FAM168A: variants seen among roughly 807,000 people sequenced by gnomAD.
FAM168A encodes family with sequence similarity 168 member A.
In FAM168A, 3 loss-of-function variants were observed where a neutral mutation model predicts 28.5. The observed-to-expected ratio is 0.11, with a 90% CI of 0.05 to 0.27. The LOEUF (loss-of-function observed/expected upper bound fraction) is 0.27. Among genes scored for constraint, FAM168A ranks in the 10% least tolerant of loss-of-function variants. The pLI is 1.00. For synonymous variants in FAM168A, 122 were observed against 124.2 expected (o/e 0.98, Z 0.12); for missense variants, 222 against 311.5 (o/e 0.71, Z 2.16).
chr11:73,430,318 GGGTGTGTGTGTGTCCCAA>G lies in FAM168A; in HGVS notation c.151+354_151+371del, dbSNP rs1464905901. ...TGTGTGTGTGTCCCAAGGGGTGTGTGGGTGTGTGTGTGTCCCAAGGTGTGTGTGTGTCCCAATGGCAGC... is the reference window on the plus strand; with the variant it reads ...TGTGTGTGTGTCCCAAGGGGTGTGTGGGTGTGTGTGTGTCCCAATGGCAGC... On this transcript the variant is annotated intron_variant, in intron 3 of 7. Transcript: ENST00000356467. The G allele has an allele frequency of 2.5e-5, 7 of 282,810 alleles. No homozygotes were observed. The East Asian group carries it at 5.7e-4, about 23-fold the overall frequency. The allele number at this position is 282,810 out of a possible 1,614,324, so 17.5% of individuals were successfully genotyped here.
chr11:73,464,870 T>G (rs893259359), intron 2 of FAM168A, among the ~76,000 whole-genome samples: 3 of 151,928 alleles, frequency 2.0e-5, no homozygotes, highest in Non-Finnish European at 4.4e-5. Context: ...TTATCATTTT[T>G]TTTTTTTAAA....
intron 1 of FAM168A, among the ~76,000 whole-genome samples, chr11:73,565,253 T>C (rs2134711552): frequency 6.6e-6 from 1 of 152,314 alleles, no homozygotes; most frequent in Admixed American, 6.5e-5. Context: ...TCCCAGCATT[T>C]TGGCTTCCTC....
At chr11:73,459,974 G>C (rs552096158) in intron 2 of FAM168A, among the ~76,000 whole-genome samples, 1 of 142,616 alleles carries the variant, frequency 7.0e-6, no homozygotes, top group South Asian at 2.2e-4. Context: ...TCCGCCTCCC[G>C]GGTTCACACC....
At chr11:73,479,442 G>GA (rs1333196027) in intron 1 of FAM168A, among the ~76,000 whole-genome samples, 2 of 152,128 alleles carry the variant, frequency 1.3e-5, no homozygotes, top group African/African-American at 4.8e-5. Flanking sequence ...GAGAGAGGAG[G>GA]AAAGGCCATT....
chr11:73,522,777 T>G (rs1943399777), intron 1 of FAM168A, among the ~76,000 whole-genome samples: 1 of 150,178 alleles, frequency 6.7e-6, no homozygotes, highest in Non-Finnish European at 1.5e-5. Flanking sequence ...CTTTGGGAGG[T>G]CAAGGAGGGT....
At chr11:73,492,418 AG>A (rs1868141028) in intron 1 of FAM168A, among the ~76,000 whole-genome samples, 1 of 152,178 alleles carries the variant, frequency 6.6e-6, no homozygotes, top group Non-Finnish European at 1.5e-5. Flanking sequence ...AGGCTGAGGC[AG>A]TGGATCCCTT....
intron 1 of FAM168A, among the ~76,000 whole-genome samples, chr11:73,564,721 C>T (rs1315168466): frequency 7.8e-5 from 10 of 128,910 alleles, no homozygotes; most frequent in Non-Finnish European, 1.1e-4. Context: ...CCAGCCTGGG[C>T]GACACAGTGA....
rs376542756 is a variant in FAM168A, at chr11:73,411,556, G to A, written c.278-20C>T. The stretch of plus-strand genomic sequence containing the variant: ...TATATCCTGTACCAAGGCAATAAGA[G>A]AGACTTCCAGTTAGTTGGCAGAAAA... On this transcript the variant is annotated intron_variant, in intron 4 of 7. Transcript: ENST00000356467. The A allele has an allele frequency of 1.2e-6, 2 of 1,613,956 alleles. No homozygotes were observed. The highest frequency in any genetic ancestry group is 1.1e-5 in the South Asian group (1 of 91,052).
At chr11:73,531,183 A>G (rs1192447765) in intron 1 of FAM168A, among the ~76,000 whole-genome samples, 2 of 152,202 alleles carry the variant, frequency 1.3e-5, no homozygotes, top group Non-Finnish European at 1.5e-5. Context: ...TTACTCCCCA[A>G]TCTGAAAGAT....
chr11:73,525,108 T>A (rs1178764881), intron 1 of FAM168A, among the ~76,000 whole-genome samples: 2 of 152,076 alleles, frequency 1.3e-5, no homozygotes, highest in African/African-American at 2.4e-5. Flanking sequence ...CCATTCCCTC[T>A]CTTTTTTGGG....
At chr11:73,553,391 T>C (rs1590850744) in intron 1 of FAM168A, among the ~76,000 whole-genome samples, 2 of 152,164 alleles carry the variant, frequency 1.3e-5, no homozygotes, top group African/African-American at 2.4e-5. Context: ...GTTCAGTATC[T>C]CTTCTTTGGG....
At chr11:73,411,138 C>A (rs1365825342) in intron 5 of FAM168A, among the ~76,000 whole-genome samples, 2 of 152,258 alleles carry the variant, frequency 1.3e-5, no homozygotes. Context: ...GCTAGAAAAT[C>A]TCTGAGGGCC....
chr11:73,544,284 G>A (rs1043723330), intron 1 of FAM168A, among the ~76,000 whole-genome samples: 1 of 152,150 alleles, frequency 6.6e-6, no homozygotes, highest in African/African-American at 2.4e-5. Flanking sequence ...AATAACAAGT[G>A]ATTACAAGGA....
intron 4 of FAM168A, among the ~76,000 whole-genome samples, chr11:73,418,040 T>A (rs1262496029): frequency 6.6e-6 from 1 of 152,188 alleles, no homozygotes; most frequent in Non-Finnish European, 1.5e-5. Context: ...CTTAGTAGAC[T>A]GAGTGTAATG....
chr11:73,584,013 C>T (rs1426593247), intron 1 of FAM168A, among the ~76,000 whole-genome samples: 2 of 152,148 alleles, frequency 1.3e-5, no homozygotes, highest in African/African-American at 4.8e-5. Flanking sequence ...TTTTTCCCTT[C>T]ATAATTATAC....
chr11:73,456,955 C>T (rs1193084094), intron 2 of FAM168A, among the ~76,000 whole-genome samples: 1 of 152,200 alleles, frequency 6.6e-6, no homozygotes, highest in Non-Finnish European at 1.5e-5. Context: ...CACTGAGAGG[C>T]CAGCACAGAG....
chr11:73,445,209 A>G (rs1867278935), intron 2 of FAM168A, among the ~76,000 whole-genome samples: 1 of 151,924 alleles, frequency 6.6e-6, no homozygotes, highest in Admixed American at 6.6e-5. Flanking sequence ...CGGCAAGCCA[A>G]GATGGCGACA....
intron 2 of FAM168A, among the ~76,000 whole-genome samples, chr11:73,463,878 C>T (rs1867690293): frequency 6.6e-6 from 1 of 152,146 alleles, no homozygotes; most frequent in Non-Finnish European, 1.5e-5. Flanking sequence ...AATAAGAATT[C>T]TCTTTAGATG....
intron 1 of FAM168A, among the ~76,000 whole-genome samples, chr11:73,499,638 G>C (rs1854964754): frequency 6.6e-6 from 1 of 152,046 alleles, no homozygotes; most frequent in Non-Finnish European, 1.5e-5. Context: ...TAAAAGGTTG[G>C]AAGAATTGCT....
Sources: gnomAD v4.1 joint callset for allele counts (sites outside exome capture counted in the v4.1 genomes callset) on GRCh38, gnomAD v4.1.1 for gene constraint, MANE v1.5 for transcripts, NCBI Gene and HGNC (gene_info 2026-07-23, HGNC 2026-07-21) for gene names.